Variants in FSCN2 observed in about 807,000 individuals in gnomAD.
FSCN2 encodes the protein fascin-2.
FSCN2 carries 46 observed loss-of-function variants against 37.8 expected under a neutral mutation model. The observed-to-expected ratio is 1.22, with a 90% CI of 0.96 to 1.56. FSCN2 has a LOEUF of 1.56. Among genes scored for constraint, FSCN2 ranks in the 40% most tolerant of loss-of-function variants. The probability of loss-of-function intolerance (pLI) is 0.00; values close to 1 mark genes in which losing one functional copy is unlikely to be tolerated. For synonymous variants in FSCN2, 351 were observed against 309.4 expected, an observed-to-expected ratio of 1.13 and a Z score of -1.41; for missense variants, 844 against 730.4, an observed-to-expected ratio of 1.16 and a Z score of -1.79.
chr17:81,532,583 A>AGTGATG (rs1292288487), intron 1 of FSCN2, among the ~76,000 whole-genome samples: 11 of 55,282 alleles, frequency 2.0e-4, no homozygotes, highest in Non-Finnish European at 7.7e-5. Context: ...TGGTGATGAT[A>AGTGATG]GTGATGGTGA....
chr17:81,517,221 G>A, the FSCN2 span, among the ~76,000 whole-genome samples: 1 of 151,894 alleles, frequency 6.6e-6, no homozygotes, highest in Admixed American at 6.6e-5. Context: ...TTTACCTGAG[G>A]CTCCCCATCC....
chr17:81,524,135 G>A (rs1015638310), upstream of FSCN2, among the ~76,000 whole-genome samples: 3 of 152,210 alleles, frequency 2.0e-5, no homozygotes, highest in Admixed American at 1.3e-4. Flanking sequence ...AAGGGCTCTC[G>A]GGAAACCTGA....
Position 81,533,212 on chromosome 17 carries a change from A to G in FSCN2, c.827-1840A>G, listed in dbSNP as rs373593580. 3.3e-5 allele frequency among the ~76,000 whole-genome samples: 5 copies of G among 152,226 alleles called. No individual in the cohort carries two copies. The East Asian group carries it at 5.8e-4, about 18-fold the overall frequency. ...TCTCTTCCCCCCTGGGAGGGGAGTGAGCACCCAGGCTTGCATGTATCCCCC... is the reference window on the plus strand; with the variant it reads ...TCTCTTCCCCCCTGGGAGGGGAGTGGGCACCCAGGCTTGCATGTATCCCCC... On this transcript the variant is annotated intron_variant, in intron 1 of 4. Transcript: ENST00000417245.
chr17:81,537,094 C>T lies in FSCN2; in HGVS notation c.*14C>T, dbSNP rs969770239. 2.4e-5 allele frequency: 34 copies of T among 1,412,076 alleles called. No individual in the cohort carries two copies. The highest frequency in any genetic ancestry group is 9.1e-5 in the African/African-American group (6 of 66,036). The allele number at this position is 1,412,076 out of a possible 1,614,324, so 87.5% of individuals were successfully genotyped here. A position where few individuals can be genotyped will look rare whatever the true frequency, so the allele number is the denominator to read the frequency against. On this transcript the variant is annotated 3_prime_UTR_variant, in exon 5 of 5. Transcript: ENST00000417245. ...TGGGAGTACTGAGGCCGCGCCCAGACCAGCCTGTCGCGCATTAAAACCGTG... is the reference window on the plus strand; with the variant it reads ...TGGGAGTACTGAGGCCGCGCCCAGATCAGCCTGTCGCGCATTAAAACCGTG...
the FSCN2 span, among the ~76,000 whole-genome samples, chr17:81,518,463 T>A: frequency 2.0e-5 from 3 of 150,992 alleles, no homozygotes; most frequent in African/African-American, 7.3e-5. Context: ...GAGGGAGGAG[T>A]TCCCAGCCCT....
chr17:81,531,732 G>GTGATGATGT (rs1568078062), intron 1 of FSCN2, among the ~76,000 whole-genome samples: 2 of 122,894 alleles, frequency 1.6e-5, no homozygotes, highest in Non-Finnish European at 3.2e-5. Flanking sequence ...GATGGTGATG[G>GTGATGATGT]TGATGATGGT....
chr17:81,520,271 C>T, the FSCN2 span, among the ~76,000 whole-genome samples: 1 of 152,270 alleles, frequency 6.6e-6, no homozygotes, highest in East Asian at 1.9e-4. Flanking sequence ...GGAGAACACA[C>T]TCAGGAGGTG....
chr17:81,532,641 A>G (rs1302478604), intron 1 of FSCN2, among the ~76,000 whole-genome samples: 8,232 of 137,256 alleles, frequency 0.06, 751 homozygotes, highest in African/African-American at 0.2. Flanking sequence ...GGTGATGGTG[A>G]TGATGGTGGT....
chr17:81,517,488 C>T, the FSCN2 span, among the ~76,000 whole-genome samples: 1 of 152,210 alleles, frequency 6.6e-6, no homozygotes, highest in Non-Finnish European at 1.5e-5. Flanking sequence ...CCCCAGGCGT[C>T]TTGCCTGACA....
intron 1 of FSCN2, among the ~76,000 whole-genome samples, chr17:81,534,389 GC>G (rs2032784741): frequency 6.6e-6 from 1 of 152,172 alleles, no homozygotes; most frequent in Non-Finnish European, 1.5e-5. Context: ...TGGCTGCCAT[GC>G]AAACAGGGAG....
At chr17:81,536,562 G>C in intron 3 of FSCN2, 60 bp from the exon 4 acceptor site, 6 of 1,593,940 alleles carry the variant, frequency 3.8e-6, no homozygotes, top group Non-Finnish European at 4.3e-6. Context: ...CCCCCACCCC[G>C]CCCGGCCTGG....
At chr17:81,530,075 G>GC (rs1403863669) in intron 1 of FSCN2, 1 of 249,082 alleles carries the variant, frequency 4.0e-6, no homozygotes, top group Non-Finnish European at 8.1e-6. Flanking sequence ...CTCCCAAAGT[G>GC]CTGGGATTAC....
At position 81,529,194 on chromosome 17, in the gene FSCN2, C is replaced by T; in HGVS notation, c.663C>T (p.Phe221=). 1 of 1,596,582 alleles carries T rather than the reference C, an allele frequency of 6.3e-7. No individual in the cohort carries two copies. Among genetic ancestry groups the T allele is most frequent in the Non-Finnish European group, 8.5e-7 (1 of 1,172,760 alleles). ...AGTTCAAGGCGGGCAAGCTGGCCTT[C>T]AAGGACTGCGACGGCCACTACCTGG... is the stretch of plus-strand genomic sequence containing the variant. The part of the protein sequence containing the change: ...TLEFKAGKLA[F]KDCDGHYLAP... The change falls in exon 1 of 5, where the codon TTC becomes TTT. Residue 221 remains phenylalanine (F), a synonymous_variant. Transcript: ENST00000417245.
intron 1 of FSCN2, among the ~76,000 whole-genome samples, chr17:81,533,084 A>G (rs1664704121): frequency 6.6e-6 from 1 of 152,122 alleles, no homozygotes; most frequent in Non-Finnish European, 1.5e-5. Context: ...AGGCAGCTGC[A>G]GCGTGGGTGG....
upstream of FSCN2, chr17:81,523,901 G>C (rs2032274947): frequency 6.6e-6 from 1 of 152,408 alleles, no homozygotes; most frequent in South Asian, 2.1e-4. Context: ...CATCAGCGTT[G>C]CAGGGCATCC....
intron 1 of FSCN2, chr17:81,530,568 C>G (rs771959188): frequency 2.0e-6 from 1 of 510,518 alleles, no homozygotes; most frequent in Non-Finnish European, 3.9e-6. Flanking sequence ...GGAGCTCCTC[C>G]TCCCAACTCA....
intron 1 of FSCN2, among the ~76,000 whole-genome samples, chr17:81,533,825 A>C (rs1456073928): frequency 6.6e-6 from 1 of 151,902 alleles, no homozygotes; most frequent in Non-Finnish European, 1.5e-5. Flanking sequence ...GTGTGGGGCA[A>C]CTCTGGGGAC....
At chr17:81,531,708 ATAGTGATGG>A (rs2032622478) in intron 1 of FSCN2, among the ~76,000 whole-genome samples, 6 of 59,306 alleles carry the variant, frequency 1.0e-4, no homozygotes, top group African/African-American at 2.0e-4. Context: ...GGTGATGATG[ATAGTGATGG>A]TGGTGATGGT....
At chr17:81,517,205 T>C in the FSCN2 span, among the ~76,000 whole-genome samples, 2 of 146,476 alleles carry the variant, frequency 1.4e-5, no homozygotes, top group Non-Finnish European at 3.0e-5. Flanking sequence ...AGGATCCCTG[T>C]TGCAGTTTAC....
Sources: gnomAD v4.1 joint callset for allele counts (sites outside exome capture counted in the v4.1 genomes callset) on GRCh38, gnomAD v4.1.1 for gene constraint, MANE v1.5 for transcripts, NCBI Gene and HGNC (gene_info 2026-07-23, HGNC 2026-07-21) for gene names.